Variants in DOCK1 observed in about 807,000 individuals in gnomAD.
DOCK1 encodes the protein dedicator of cytokinesis 1, also known as dedicator of cytokinesis protein 1.
In DOCK1, 138 loss-of-function variants were observed where a neutral mutation model predicts 262.7. The ratio of observed to expected loss-of-function variants is 0.53; its 90% CI spans 0.46 to 0.61. The LOEUF (loss-of-function observed/expected upper bound fraction) is 0.61. Ranked by LOEUF, DOCK1 falls within the 20% of genes least tolerant of loss-of-function variation. The pLI, the probability that DOCK1 is intolerant of heterozygous loss-of-function variation, is 0.00. For missense variants in DOCK1, 1,908 were observed against 2,370.7 expected, an observed-to-expected ratio of 0.80 and a Z score of 4.05; for synonymous variants, 866 against 867.4, an observed-to-expected ratio of 1.00 and a Z score of 0.03.
At position 127,176,253 on chromosome 10, in the gene DOCK1, C is replaced by T. The variant is rs201704187; in HGVS notation, c.2847+48489C>T. The T allele has an allele frequency of 1.3e-4, 202 of 1,614,000 alleles. No homozygotes were observed. The highest frequency in any genetic ancestry group is 4.2e-5 in the Non-Finnish European group (49 of 1,180,042). On this transcript the variant is annotated intron_variant, in intron 27 of 51. Coordinates refer to ENST00000623213, the MANE Select transcript of DOCK1 (RefSeq NM_001290223.2). The surrounding 1 kb of genome is among the most constrained non-coding windows in gnomAD (Gnocchi z 4.4). Reference sequence around the variant, plus strand: ...CTGTGCCTCGCAGATATCCTTAAACCGCACCTGCAGGGCTTTGTTCCGTTT... The same window carrying T: ...CTGTGCCTCGCAGATATCCTTAAACTGCACCTGCAGGGCTTTGTTCCGTTT...
chr10:126,964,207 C>T (rs1245091909), intron 1 of DOCK1, among the ~76,000 whole-genome samples: 1 of 152,324 alleles, frequency 6.6e-6, no homozygotes, highest in Non-Finnish European at 1.5e-5. Context: ...TGTTCTGTTT[C>T]TCTCTACATG....
intron 39 of DOCK1, among the ~76,000 whole-genome samples, chr10:127,403,810 G>A (rs2067362150): frequency 6.6e-6 from 1 of 152,170 alleles, no homozygotes; most frequent in African/African-American, 2.4e-5. Flanking sequence ...GATAGATAAT[G>A]ACCAGACCTT....
intron 1 of DOCK1, among the ~76,000 whole-genome samples, chr10:126,932,603 C>T (rs1201885796): frequency 6.6e-6 from 1 of 152,076 alleles, no homozygotes; most frequent in South Asian, 2.1e-4. Context: ...GGTCTGGTGG[C>T]ACCAGGGGAA....
chr10:127,193,232 CTG>C (rs896630203), intron 27 of DOCK1, among the ~76,000 whole-genome samples: 3 of 152,168 alleles, frequency 2.0e-5, no homozygotes, highest in Non-Finnish European at 4.4e-5. Context: ...TTATGAAAGA[CTG>C]TTGAAAATGA....
At chr10:127,076,307 C>A (rs745995192) in intron 23 of DOCK1, among the ~76,000 whole-genome samples, 2 of 152,192 alleles carry the variant, frequency 1.3e-5, no homozygotes, top group Non-Finnish European at 2.9e-5. Flanking sequence ...CAAGACCATC[C>A]TGGCTAACAC....
At chr10:126,946,122 CA>C (rs2035382499) in intron 1 of DOCK1, among the ~76,000 whole-genome samples, 1 of 152,100 alleles carries the variant, frequency 6.6e-6, no homozygotes, top group African/African-American at 2.4e-5. Context: ...ATATATATAA[CA>C]TAGAATTTTC....
intron 29 of DOCK1, among the ~76,000 whole-genome samples, chr10:127,315,371 A>C (rs935814260): frequency 6.6e-6 from 1 of 152,176 alleles, no homozygotes. Flanking sequence ...GATCATTAAG[A>C]TATGGCCTCA....
chr10:127,393,398 G>A (rs2134217234), intron 38 of DOCK1, among the ~76,000 whole-genome samples: 1 of 152,266 alleles, frequency 6.6e-6, no homozygotes, highest in Non-Finnish European at 1.5e-5. Context: ...TTACTCTGTG[G>A]GAAGGATATA....
chr10:126,963,381 C>T (rs1003241435), intron 1 of DOCK1, among the ~76,000 whole-genome samples: 8 of 152,086 alleles, frequency 5.3e-5, no homozygotes, highest in African/African-American at 1.9e-4. Context: ...AGCAACATTT[C>T]GTTAGTTTTA....
chr10:127,301,945 C>CAA (rs532284873), intron 29 of DOCK1, among the ~76,000 whole-genome samples: 41 of 89,434 alleles, frequency 4.6e-4, no homozygotes, highest in African/African-American at 1.4e-3. Flanking sequence ...GACTCCATCT[C>CAA]AAAAAAAAAA....
At chr10:127,254,973 T>C in intron 28 of DOCK1, among the ~76,000 whole-genome samples, 1 of 152,184 alleles carries the variant, frequency 6.6e-6, no homozygotes, top group Non-Finnish European at 1.5e-5. Context: ...AGGATGGCTG[T>C]TTTATTCTAG....
intron 31 of DOCK1, among the ~76,000 whole-genome samples, chr10:127,349,837 T>C (rs1401383288): frequency 6.6e-6 from 1 of 152,148 alleles, no homozygotes; most frequent in Non-Finnish European, 1.5e-5. Context: ...CCTGTGGCCT[T>C]CTTCTTTGTG....
intron 24 of DOCK1, among the ~76,000 whole-genome samples, chr10:127,108,340 C>T (rs143230760): frequency 2.6e-5 from 4 of 152,266 alleles, no homozygotes; most frequent in African/African-American, 9.6e-5. Context: ...GTAATCCCAG[C>T]ACTTTGGGAG....
intron 23 of DOCK1, among the ~76,000 whole-genome samples, chr10:127,101,215 G>T (rs551019463): frequency 6.6e-6 from 1 of 152,096 alleles, no homozygotes; most frequent in South Asian, 2.1e-4. Context: ...TCTGAAGGAG[G>T]TGGTGACATG....
At chr10:127,418,129 G>A (rs2068270943) in intron 44 of DOCK1, among the ~76,000 whole-genome samples, 1 of 152,130 alleles carries the variant, frequency 6.6e-6, no homozygotes, top group South Asian at 2.1e-4. Context: ...ATAGCCACAT[G>A]CACACACACA....
At chr10:127,380,537 C>T (rs80236462) in intron 36 of DOCK1, among the ~76,000 whole-genome samples, 8,216 of 152,168 alleles carry the variant, frequency 0.054, 239 homozygotes, top group Middle Eastern at 0.082. Flanking sequence ...AGTTAACTGA[C>T]GCCATAGTCC....
At chr10:127,347,859 C>T (rs2063711883) in intron 31 of DOCK1, among the ~76,000 whole-genome samples, 1 of 72,324 alleles carries the variant, frequency 1.4e-5, no homozygotes, top group Non-Finnish European at 2.9e-5. Flanking sequence ...CTTCCCTTCC[C>T]TTCCCTTCCC....
rs928453679 is a variant in DOCK1, at chr10:127,426,014, A to G, written c.4914+3A>G. 5 of 1,613,712 alleles carry G rather than the reference A, an allele frequency of 3.1e-6. No individual in the cohort carries two copies. Among genetic ancestry groups the G allele is most frequent in the Non-Finnish European group, 4.2e-6 (5 of 1,179,864 alleles). ...AAGAGTACGGCGTCCGAATCATGGT[A>G]AGAGGGTAGTATGCGTAGTGTTGCA... On this transcript the variant is annotated splice_donor_region_variant and intron_variant, in intron 47 of 51. Coordinates refer to ENST00000623213, the MANE Select transcript of DOCK1 (RefSeq NM_001290223.2).
chr10:127,033,536 C>T (rs1170924497), intron 18 of DOCK1, among the ~76,000 whole-genome samples: 2 of 152,208 alleles, frequency 1.3e-5, no homozygotes, highest in Admixed American at 1.3e-4. Context: ...TGACTTTATG[C>T]TCTCTTGAAG....
Sources: allele counts gnomAD v4.1 joint callset (sites outside exome capture counted in the v4.1 genomes callset), GRCh38; gene constraint gnomAD v4.1.1; non-coding constraint Gnocchi (gnomAD v3.1); transcripts MANE v1.5; gene names NCBI Gene and HGNC (gene_info 2026-07-23, HGNC 2026-07-21).